The following RPTOR variants were observed in gnomAD, a reference collection of about 807,000 sequenced individuals.
The protein encoded by RPTOR is regulatory-associated protein of mTOR.
Under a neutral mutation model 169.9 loss-of-function variants are expected in RPTOR, and 21 were observed. The ratio of observed to expected loss-of-function variants is 0.12; its 90% CI spans 0.09 to 0.18. The LOEUF is 0.18. Ranked by LOEUF, RPTOR falls within the 10% of genes least tolerant of loss-of-function variation. The probability of loss-of-function intolerance (pLI) is 1.00; values close to 1 mark genes in which losing one functional copy is unlikely to be tolerated. For synonymous variants in RPTOR, 732 were observed against 753.2 expected (o/e 0.97, Z 0.46); for missense variants, 1,133 against 1,855.9 (o/e 0.61, Z 7.16).
chr17:80,611,859 T>C lies in RPTOR; in HGVS notation c.163-13832T>C, dbSNP rs114998338. On this transcript the variant is annotated intron_variant, in intron 1 of 33. Transcript: ENST00000306801. The stretch of plus-strand genomic sequence containing the variant: ...CCCCCCTGTAAATGACACAGACTTC[T>C]TGTGGAAGGGTCCTGCTGCTTGTGT... Among the ~76,000 whole-genome samples the C allele has an allele frequency of 8.2e-3, 1,248 of 152,238 alleles. 23 individuals are homozygous for C. Among genetic ancestry groups the C allele is most frequent in the African/African-American group, 0.028 (1,156 of 41,522 alleles).
intron 7 of RPTOR, among the ~76,000 whole-genome samples, chr17:80,814,980 G>C (rs920275457): frequency 1.3e-5 from 2 of 152,228 alleles, no homozygotes; most frequent in African/African-American, 4.8e-5. Flanking sequence ...AGACAGGAGG[G>C]TGGTCTGAGC....
rs763728814 is a variant in RPTOR at position 80,962,965 on chromosome 17, A to G, written c.3847A>G (p.Ser1283Gly). The change falls in exon 33 of 34, where the codon AGC (serine) becomes GGC (glycine). Residue 1283 changes from serine to glycine, a missense_variant. Coordinates refer to ENST00000306801, the MANE Select transcript of RPTOR (RefSeq NM_020761.3). ...VNQFTAIYNS[S>G]GELINNIKYY... The stretch of plus-strand genomic sequence containing the variant: ...TCAGTTCACCGCCATCTACAACAGC[A>G]GCGGAGAGCTCATCAACAACATCAA... 1.3e-5 allele frequency: 21 copies of G among 1,613,576 alleles called. No homozygotes were observed. The highest frequency in any genetic ancestry group is 3.3e-4 in the Middle Eastern group (2 of 6,080).
intron 1 of RPTOR, among the ~76,000 whole-genome samples, chr17:80,558,973 T>C (rs1178691340): frequency 6.6e-6 from 1 of 152,148 alleles, no homozygotes; most frequent in African/African-American, 2.4e-5. Context: ...GCACACAGTT[T>C]AGTGGCAGCA....
At chr17:80,678,803 T>G (rs1015567688) in intron 3 of RPTOR, among the ~76,000 whole-genome samples, 1 of 152,170 alleles carries the variant, frequency 6.6e-6, no homozygotes, top group Non-Finnish European at 1.5e-5. Context: ...TTGCGATCTT[T>G]CCGGTTCAGT....
intron 1 of RPTOR, among the ~76,000 whole-genome samples, chr17:80,587,503 A>G (rs1006703327): frequency 6.6e-6 from 1 of 152,138 alleles, no homozygotes; most frequent in Non-Finnish European, 1.5e-5. Context: ...TTCGGGAGGT[A>G]GTTGCCTAGG....
intron 11 of RPTOR, among the ~76,000 whole-genome samples, chr17:80,849,748 G>A (rs1481515167): frequency 6.6e-6 from 1 of 152,208 alleles, no homozygotes; most frequent in East Asian, 1.9e-4. Flanking sequence ...TTGAACTCCT[G>A]ACCTTGTGAT....
chr17:80,634,346 GCA>G (rs1428429921), intron 2 of RPTOR, among the ~76,000 whole-genome samples: 28 of 113,540 alleles, frequency 2.5e-4, no homozygotes, highest in Middle Eastern at 6.3e-3. Context: ...CGTACTGTGT[GCA>G]TGTGCGTACT....
intron 1 of RPTOR, among the ~76,000 whole-genome samples, chr17:80,618,569 G>A (rs987926264): frequency 2.6e-5 from 4 of 152,180 alleles, no homozygotes; most frequent in African/African-American, 7.2e-5. Context: ...CCCTGAGGCC[G>A]AAATTTTCCT....
In RPTOR at chr17:80,545,114, G is replaced by A. The variant is rs1230916808; in HGVS notation, c.-516G>A. 1 of 233,940 alleles carries A rather than the reference G, an allele frequency of 4.3e-6. No homozygotes were observed. Among genetic ancestry groups the A allele is most frequent in the Non-Finnish European group, 8.4e-6 (1 of 118,358 alleles). 14.5% of individuals were successfully genotyped at this position (233,940 alleles called of 1,614,324 possible). Reference sequence around the variant, plus strand: ...GCTCTGGTTGCAGCAGCTCAGACGAGTGCGGGACCCGCAGGGCTGAGAGTG... The same window carrying A: ...GCTCTGGTTGCAGCAGCTCAGACGAATGCGGGACCCGCAGGGCTGAGAGTG... On this transcript the variant is annotated 5_prime_UTR_variant, in exon 1 of 34. In the 5' UTR this introduces an upstream ATG that the reference lacks. Coordinates refer to ENST00000306801, the MANE Select transcript of RPTOR (RefSeq NM_020761.3).
rs984262822 is a variant in RPTOR, at chr17:80,845,804, A to G, written c.1213-669A>G. Among the ~76,000 whole-genome samples the G allele has an allele frequency of 1.3e-4, 19 of 151,922 alleles. No individual in the cohort carries two copies. The highest frequency in any genetic ancestry group is 4.6e-4 in the African/African-American group (19 of 41,406). ...ACCCCTCTGGCTGCGCTTTTGCCCA[A>G]CTCCAGAGCGTTCTTGCTGCTGATC... On this transcript the variant is annotated intron_variant, in intron 10 of 33. Transcript: ENST00000306801. The surrounding 1 kb of genome is among the most constrained non-coding windows in gnomAD (Gnocchi z 5.4).
chr17:80,577,547 G>T (rs1038844557), intron 1 of RPTOR, among the ~76,000 whole-genome samples: 1 of 152,170 alleles, frequency 6.6e-6, no homozygotes, highest in East Asian at 1.9e-4. Context: ...CCAAAATGCT[G>T]GCATTAGAGG....
chr17:80,898,575 A>G (rs1233773220), intron 20 of RPTOR, among the ~76,000 whole-genome samples: 9 of 151,830 alleles, frequency 5.9e-5, no homozygotes, highest in Non-Finnish European at 1.3e-4. Context: ...ACAGCTCATT[A>G]ACTTTGAGTT....
intron 13 of RPTOR, among the ~76,000 whole-genome samples, chr17:80,863,825 C>A (rs564539728): frequency 6.6e-6 from 1 of 152,134 alleles, no homozygotes; most frequent in Admixed American, 6.5e-5. Context: ...AAGGCTGAGG[C>A]GGGAGAATCG....
Position 80,730,624 on chromosome 17 carries a change from T to C in RPTOR, c.572T>C (p.Ile191Thr). ...CAGACGTGGATGGGCAGCCCGTCGA[T>C]CTTCGTCTACGACTGCTCCAATGCT... The part of the protein sequence containing the change: ...DLQTWMGSPS[I>T]FVYDCSNAGL... Residue 191 changes from isoleucine (I) to threonine (T), a missense_variant, in exon 5 of 34, where the codon ATC (isoleucine) becomes ACC (threonine). Coordinates refer to ENST00000306801, the MANE Select transcript of RPTOR (RefSeq NM_020761.3). This position sits in a 1 kb window ranked among gnomAD's most constrained non-coding sequence, Gnocchi z 4.2. 1 of 1,614,144 alleles carries C rather than the reference T, an allele frequency of 6.2e-7. No homozygotes were observed. The highest frequency in any genetic ancestry group is 8.5e-7 in the Non-Finnish European group (1 of 1,180,024).
At chr17:80,634,600 GTA>G (rs1567831201) in intron 2 of RPTOR, among the ~76,000 whole-genome samples, 1,145 of 4,922 alleles carry the variant, frequency 0.23, 228 homozygotes, top group Non-Finnish European at 0.28. Context: ...GTGTGTGTGC[GTA>G]CTGTGTGTGT....
In RPTOR at chr17:80,545,616, C is replaced by G; in HGVS notation, c.-14C>G. ...CGCTTGCTGCCAAGGACTCCCCCAC[C>G]CCCTCCCCCACTGATGGAGTCCGAA... On this transcript the variant is annotated 5_prime_UTR_variant, in exon 1 of 34. Coordinates refer to ENST00000306801, the MANE Select transcript of RPTOR (RefSeq NM_020761.3). The G allele has an allele frequency of 1.1e-5, 17 of 1,599,124 alleles. No homozygotes were observed. Among genetic ancestry groups the G allele is most frequent in the Non-Finnish European group, 1.5e-5 (17 of 1,171,932 alleles).
rs35843489 is a variant in RPTOR, at chr17:80,609,773, T to TTGTGTG, written c.163-15888_163-15883dup. On this transcript the variant is annotated intron_variant, in intron 1 of 33. Coordinates refer to ENST00000306801, the MANE Select transcript of RPTOR (RefSeq NM_020761.3). This position sits in a 1 kb window ranked among gnomAD's most constrained non-coding sequence, Gnocchi z 4.8. ...AAAAAAAAAAAGTTTAAGGTGTTGG[T>TTGTGTG]TGTGTGTGTGTGTGTGTGTGTGTGT... Among the ~76,000 whole-genome samples the TTGTGTG allele has an allele frequency of 3.6e-3, 510 of 143,324 alleles. No homozygotes were observed. Among genetic ancestry groups the TTGTGTG allele is most frequent in the African/African-American group, 5.3e-3 (204 of 38,796 alleles). 94.0% of individuals were successfully genotyped at this position (143,324 alleles called of 152,430 possible). A position where few individuals can be genotyped will look rare whatever the true frequency, so the allele number is the denominator to read the frequency against.
At chr17:80,701,507 G>T (rs958623440) in intron 3 of RPTOR, among the ~76,000 whole-genome samples, 4 of 152,158 alleles carry the variant, frequency 2.6e-5, no homozygotes, top group African/African-American at 4.8e-5. Flanking sequence ...CCGCCTAAAG[G>T]TCCCTCCTAC....
At position 80,656,748 on chromosome 17, in the gene RPTOR, C is replaced by T. The variant is rs577652132; in HGVS notation, c.348+12938C>T. Among the ~76,000 whole-genome samples the T allele has an allele frequency of 2.0e-5, 3 of 152,298 alleles. No homozygotes were observed. The East Asian group carries it at 5.8e-4, about 29-fold the overall frequency. On this transcript the variant is annotated intron_variant, in intron 3 of 33. Coordinates refer to ENST00000306801, the MANE Select transcript of RPTOR (RefSeq NM_020761.3). ...ATTTGTTTCTGTGCCATGCGTGTGA[C>T]ATGATGAGCTGGAAAGACTTTGCAT... is the stretch of plus-strand genomic sequence containing the variant.
Sources: gnomAD v4.1 joint callset for allele counts (sites outside exome capture counted in the v4.1 genomes callset) on GRCh38, gnomAD v4.1.1 for gene constraint, Gnocchi (gnomAD v3.1) non-coding constraint, MANE v1.5 for transcripts, NCBI Gene and HGNC (gene_info 2026-07-23, HGNC 2026-07-21) for gene names.